The following FAM13A variants were observed in gnomAD, a reference collection of about 807,000 sequenced individuals.
FAM13A encodes the protein family with sequence similarity 13 member A.
FAM13A carries 76 observed loss-of-function variants against 129.6 expected under a neutral mutation model. The ratio of observed to expected loss-of-function variants is 0.59; its 90% CI spans 0.49 to 0.71. The LOEUF (loss-of-function observed/expected upper bound fraction) is 0.71, where lower values mean the gene tolerates loss of function less well. Ranked by LOEUF, FAM13A falls within the 30% of genes least tolerant of loss-of-function variation. The pLI, the probability that FAM13A is intolerant of heterozygous loss-of-function variation, is 0.00. For synonymous variants in FAM13A, 443 were observed against 449.9 expected (o/e 0.98, Z 0.20); for missense variants, 1,108 against 1,249.3 (o/e 0.89, Z 1.70).
intron 6 of FAM13A, among the ~76,000 whole-genome samples, chr4:88,896,328 A>T (rs1746317540): frequency 6.6e-6 from 1 of 151,850 alleles, no homozygotes; most frequent in African/African-American, 2.4e-5. Flanking sequence ...CTAGATGACG[A>T]GTTAGTGGGT....
At chr4:88,998,865 G>A (rs890717949) in intron 3 of FAM13A, among the ~76,000 whole-genome samples, 1 of 152,098 alleles carries the variant, frequency 6.6e-6, no homozygotes, top group Admixed American at 6.6e-5. Context: ...TATGCAAAAG[G>A]AGGGATTATG....
chr4:88,866,809 C>T (rs1022362105), intron 6 of FAM13A, among the ~76,000 whole-genome samples: 4 of 152,026 alleles, frequency 2.6e-5, no homozygotes, highest in Admixed American at 6.5e-5. Context: ...AGAAATATGG[C>T]GACATACACT....
chr4:89,020,467 G>C lies in FAM13A; in HGVS notation c.420C>G (p.Leu140=). The change falls in exon 3 of 24, where the codon CTC becomes CTG. Residue 140 remains leucine, a synonymous_variant. Coordinates refer to ENST00000264344, the MANE Select transcript of FAM13A (RefSeq NM_014883.4). ...AGGATTTATTGTACTAACCCTGAAA[G>C]AGTTGAATGAATCGAGGCTGCAACG... The part of the protein sequence containing the change: ...TSALQPRFIQ[L]FQDGRNDVQE... 6.2e-7 allele frequency: 1 copy of C among 1,612,558 alleles called. No individual in the cohort carries two copies. The highest frequency in any genetic ancestry group is 1.1e-5 in the South Asian group (1 of 91,038).
intron 5 of FAM13A, among the ~76,000 whole-genome samples, chr4:88,922,340 T>A (rs930110253): frequency 4.2e-4 from 64 of 152,108 alleles, no homozygotes; most frequent in Non-Finnish European, 7.5e-4. Context: ...TCAGACATTA[T>A]AACAAACTGT....
chr4:88,988,412 A>G (rs565837833), intron 4 of FAM13A, among the ~76,000 whole-genome samples: 1 of 152,350 alleles, frequency 6.6e-6, no homozygotes, highest in East Asian at 1.9e-4. Flanking sequence ...CTTAGGCATA[A>G]TAAGTATATT....
intron 6 of FAM13A, among the ~76,000 whole-genome samples, chr4:88,872,109 A>C (rs1217707466): frequency 6.6e-6 from 1 of 152,200 alleles, no homozygotes; most frequent in Non-Finnish European, 1.5e-5. Context: ...AGATTTTGTC[A>C]CCACCAGGCC....
At chr4:88,743,596 G>A (rs1740677918) in intron 19 of FAM13A, among the ~76,000 whole-genome samples, 1 of 152,096 alleles carries the variant, frequency 6.6e-6, no homozygotes, top group Non-Finnish European at 1.5e-5. Flanking sequence ...TAAGAAGTAG[G>A]ATCTTTAACC....
chr4:88,990,120 TC>T (rs1333244056), intron 4 of FAM13A: 1 of 152,180 alleles, frequency 6.6e-6, no homozygotes, highest in African/African-American at 2.4e-5. Context: ...CAGTAGAACT[TC>T]TACCCAAATT....
At chr4:88,979,551 GATAATA>G (rs1455597513) in intron 4 of FAM13A, among the ~76,000 whole-genome samples, 1 of 152,116 alleles carries the variant, frequency 6.6e-6, no homozygotes, top group African/African-American at 2.4e-5. Flanking sequence ...CACGTGAAGA[GATAATA>G]ATAGTACTTG....
intron 3 of FAM13A, among the ~76,000 whole-genome samples, chr4:89,012,130 G>C (rs1251368803): frequency 6.6e-6 from 1 of 152,112 alleles, no homozygotes; most frequent in Non-Finnish European, 1.5e-5. Context: ...AATATTTCTA[G>C]TTAATCCTAA....
intron 7 of FAM13A, among the ~76,000 whole-genome samples, chr4:88,816,876 T>A (rs1730831281): frequency 6.6e-6 from 1 of 152,246 alleles, no homozygotes; most frequent in Admixed American, 6.5e-5. Context: ...AGGGATCCGT[T>A]TGGCTCTAAA....
At chr4:88,944,962 T>C (rs1755428090) in intron 4 of FAM13A, among the ~76,000 whole-genome samples, 1 of 151,996 alleles carries the variant, frequency 6.6e-6, no homozygotes, top group South Asian at 2.1e-4. Flanking sequence ...AAAGCAAATG[T>C]AAAAGGAACC....
chr4:88,928,857 T>C (rs1046745530), intron 5 of FAM13A, among the ~76,000 whole-genome samples: 1 of 152,140 alleles, frequency 6.6e-6, no homozygotes, highest in African/African-American at 2.4e-5. Context: ...TTAATTGCTT[T>C]CAAATTGTTT....
At chr4:89,052,981 T>A (rs1210905400) in intron 1 of FAM13A, among the ~76,000 whole-genome samples, 1 of 152,204 alleles carries the variant, frequency 6.6e-6, no homozygotes, top group Admixed American at 6.5e-5. Flanking sequence ...ATATCCACAC[T>A]GACTTTTCAT....
intron 8 of FAM13A, among the ~76,000 whole-genome samples, chr4:88,803,187 T>C (rs1727859134): frequency 6.6e-6 from 1 of 152,188 alleles, no homozygotes; most frequent in African/African-American, 2.4e-5. Context: ...TCAGGCTAAA[T>C]AATTACTATT....
intron 7 of FAM13A, among the ~76,000 whole-genome samples, chr4:88,834,233 A>G (rs2149896510): frequency 6.6e-6 from 1 of 150,960 alleles, no homozygotes; most frequent in South Asian, 2.1e-4. Context: ...AATCCATTTC[A>G]GAAAATTAGA....
intron 1 of FAM13A, among the ~76,000 whole-genome samples, chr4:89,030,470 G>A (rs1040632087): frequency 6.6e-6 from 1 of 152,120 alleles, no homozygotes; most frequent in African/African-American, 2.4e-5. Flanking sequence ...TGAAAAGAGA[G>A]ATGGCAAAAT....
In FAM13A at chr4:88,906,606, G is replaced by A. The variant is rs1473243631; in HGVS notation, c.760-144C>T. On this transcript the variant is annotated intron_variant, in intron 5 of 23. Transcript: ENST00000264344. ...TCAGAAGCTGGTGAAATTGTAGTAC[G>A]GAGTCAAAACTTTTCCTCTTACATG... The A allele has an allele frequency of 3.6e-5, 22 of 614,490 alleles. No homozygotes were observed. In the East Asian group the frequency reaches 3.6e-4, roughly 10 times the overall value. The allele number at this position is 614,490 out of a possible 1,614,324, so 38.1% of individuals were successfully genotyped here.
chr4:88,860,739 A>T (rs1310690888), intron 6 of FAM13A, among the ~76,000 whole-genome samples: 1 of 152,216 alleles, frequency 6.6e-6, no homozygotes, highest in Non-Finnish European at 1.5e-5. Flanking sequence ...ACTATAAACA[A>T]GGGAAGCTGA....
Sources: allele counts gnomAD v4.1 joint callset (sites outside exome capture counted in the v4.1 genomes callset), GRCh38; gene constraint gnomAD v4.1.1; transcripts MANE v1.5; gene names NCBI Gene and HGNC (gene_info 2026-07-23, HGNC 2026-07-21).